The following PIWIL2 variants were observed in gnomAD, a reference collection of about 807,000 sequenced individuals.
The protein encoded by PIWIL2 is piwi-like protein 2.
PIWIL2 carries 81 observed loss-of-function variants against 116.5 expected under a neutral mutation model. The ratio of observed to expected loss-of-function variants is 0.70; its 90% CI spans 0.58 to 0.84. PIWIL2 has a LOEUF of 0.84. Among genes scored for constraint, PIWIL2 ranks in the 40% least tolerant of loss-of-function variants. PIWIL2 has a pLI of 0.00. For missense variants in PIWIL2, 1,272 were observed against 1,212.3 expected (o/e 1.05, Z -0.73); for synonymous variants, 489 against 429.5 (o/e 1.14, Z -1.71).
chr8:22,307,818 A>C, intron 13 of PIWIL2, 115 bp from the exon 14 acceptor site: 1 of 743,760 alleles, frequency 1.3e-6, no homozygotes, highest in East Asian at 2.7e-5. Flanking sequence ...AAGATGTTTG[A>C]AAATTTCTGC....
chr8:22,315,581 C>T (rs1831439566), intron 18 of PIWIL2, among the ~76,000 whole-genome samples: 1 of 152,136 alleles, frequency 6.6e-6, no homozygotes, highest in Non-Finnish European at 1.5e-5. Flanking sequence ...TTCCAAAATG[C>T]TGGGATTACA....
chr8:22,343,875 C>CA (rs1168042182), intron 20 of PIWIL2, among the ~76,000 whole-genome samples: 1 of 152,200 alleles, frequency 6.6e-6, no homozygotes, highest in African/African-American at 2.4e-5. Flanking sequence ...TACCAACAAT[C>CA]ACGCTCCTTG....
chr8:22,350,886 G>A (rs10107511), intron 20 of PIWIL2, among the ~76,000 whole-genome samples: 135,842 of 152,138 alleles, frequency 0.89, 60,842 homozygotes, highest in African/African-American at 0.96. Context: ...AACGCTTGTA[G>A]TCCCAGTACT....
At chr8:22,291,927 G>C (rs148711957) in intron 10 of PIWIL2, among the ~76,000 whole-genome samples, 3 of 152,142 alleles carry the variant, frequency 2.0e-5, no homozygotes, top group Non-Finnish European at 4.4e-5. Flanking sequence ...AAGAGCACAC[G>C]GTCAGGGCAA....
At position 22,311,243 on chromosome 8, in the gene PIWIL2, A is replaced by G; in HGVS notation, c.1932A>G (p.Leu644=). The G allele has an allele frequency of 6.2e-7, 1 of 1,614,158 alleles. No homozygotes were observed. Among genetic ancestry groups the G allele is most frequent in the Non-Finnish European group, 8.5e-7 (1 of 1,180,002 alleles). ...MRMSPPAWVE[L]KDDRIETYVR... is the part of the protein sequence containing the mutation. ...TGAGCCCACCGGCCTGGGTTGAACT[A>G]AAGGATGACCGAATAGAGACTTATG... is the stretch of plus-strand genomic sequence containing the variant. Residue 644 remains leucine (L), a synonymous_variant, in exon 16 of 23, where the codon CTA becomes CTG. Coordinates refer to ENST00000356766, the MANE Select transcript of PIWIL2 (RefSeq NM_018068.5).
intron 20 of PIWIL2, among the ~76,000 whole-genome samples, chr8:22,325,155 G>T (rs1041183281): frequency 6.6e-6 from 1 of 152,166 alleles, no homozygotes; most frequent in Non-Finnish European, 1.5e-5. Flanking sequence ...AAGTATAGTT[G>T]TACCACATCC....
At chr8:22,326,951 A>G (rs561277831) in intron 20 of PIWIL2, among the ~76,000 whole-genome samples, 67 of 151,524 alleles carry the variant, frequency 4.4e-4, no homozygotes, top group Middle Eastern at 3.4e-3. Context: ...ATCATTTTAC[A>G]TTCCTACCAG....
At chr8:22,343,598 A>C (rs988162309) in intron 20 of PIWIL2, among the ~76,000 whole-genome samples, 4 of 152,238 alleles carry the variant, frequency 2.6e-5, no homozygotes, top group African/African-American at 9.6e-5. Context: ...ACTCCGTCTC[A>C]AAAATAGGTA....
At chr8:22,291,275 C>T (rs1220300977) in intron 10 of PIWIL2, among the ~76,000 whole-genome samples, 2 of 151,836 alleles carry the variant, frequency 1.3e-5, no homozygotes, top group African/African-American at 2.4e-5. Context: ...TTCAGCCTCC[C>T]GAGTAGCCAG....
Position 22,279,514 on chromosome 8 carries a change from C to T in PIWIL2, c.128C>T (p.Ala43Val), listed in dbSNP as rs548999179. 8 of 1,614,160 alleles carry T rather than the reference C, an allele frequency of 5.0e-6. No individual in the cohort carries two copies. Among genetic ancestry groups the T allele is most frequent in the Non-Finnish European group, 6.8e-6 (8 of 1,180,018 alleles). ...TTGGACCCAGCTCTGGGCAGGGGAG[C>T]ACCTGCAGGCAGAGGCCATGTATTT... ...KPLDPALGRG[A>V]PAGRGHVFGK... The change falls in exon 2 of 23, where the codon GCA becomes GTA. Residue 43 changes from alanine (A) to valine (V), a missense_variant. Ala to Val is a moderately conservative substitution (Grantham distance 64). Transcript: ENST00000356766.
At chr8:22,350,894 A>G (rs1219836567) in intron 20 of PIWIL2, among the ~76,000 whole-genome samples, 1 of 152,122 alleles carries the variant, frequency 6.6e-6, no homozygotes, top group Non-Finnish European at 1.5e-5. Flanking sequence ...TAGTCCCAGT[A>G]CTTTGGGAGG....
At position 22,288,542 on chromosome 8, in the gene PIWIL2, G is replaced by C; in HGVS notation, c.862G>C (p.Val288Leu). The change falls in exon 8 of 23, where the codon GTT becomes CTT. Residue 288 changes from valine (V) to leucine (L), a missense_variant and splice_region_variant. Physicochemically the swap from Val to Leu is conservative, Grantham distance 32. Transcript: ENST00000356766. Reference protein sequence around the residue: ...ILYLPVKLQQVLELKSQRKTD... With the variant: ...ILYLPVKLQQLLELKSQRKTD... Reference sequence around the variant, plus strand: ...TCACCTGTGTGTATTTATTTGTTAGGTTCTTGAGTTAAAAAGTCAAAGGAA... The same window carrying C: ...TCACCTGTGTGTATTTATTTGTTAGCTTCTTGAGTTAAAAAGTCAAAGGAA... 2 of 1,611,504 alleles carry C rather than the reference G, an allele frequency of 1.2e-6. No homozygotes were observed. Among genetic ancestry groups the C allele is most frequent in the Admixed American group, 3.3e-5 (2 of 59,772 alleles).
intron 20 of PIWIL2, among the ~76,000 whole-genome samples, chr8:22,321,251 C>T (rs754371425): frequency 6.6e-6 from 1 of 151,814 alleles, no homozygotes; most frequent in Non-Finnish European, 1.5e-5. Context: ...GCAGGGACTA[C>T]AGGCATATGC....
chr8:22,356,820 T>G lies in PIWIL2; in HGVS notation c.*1315T>G, dbSNP rs1370758788. On this transcript the variant is annotated 3_prime_UTR_variant, in exon 23 of 23. Transcript: ENST00000356766. ...TTAGAAAGTTATCACATACCATGGG[T>G]TTCAGTGTTTTTGGAAACCCGTTTT... 3.9e-5 allele frequency: 6 copies of G among 152,150 alleles called. No individual in the cohort carries two copies. The highest frequency in any genetic ancestry group is 8.8e-5 in the Non-Finnish European group (6 of 68,030). 9.4% of individuals were successfully genotyped at this position (152,150 alleles called of 1,614,324 possible).
At chr8:22,309,456 G>T (rs1291373380) in intron 14 of PIWIL2, among the ~76,000 whole-genome samples, 1 of 151,902 alleles carries the variant, frequency 6.6e-6, no homozygotes, top group Non-Finnish European at 1.5e-5. Flanking sequence ...TCCTGCCTCT[G>T]CCTCCCAAGT....
intron 20 of PIWIL2, among the ~76,000 whole-genome samples, chr8:22,349,035 T>G (rs116138841): frequency 1.3e-4 from 19 of 148,334 alleles, no homozygotes; most frequent in African/African-American, 4.1e-4. Context: ...AAATTTGATT[T>G]CTATTTTTCT....
chr8:22,309,901 G>A (rs1466118564), intron 14 of PIWIL2, 60 bp from the exon 15 acceptor site: 2 of 964,358 alleles, frequency 2.1e-6, no homozygotes, highest in Non-Finnish European at 3.4e-6. Flanking sequence ...AGCAGTAGCA[G>A]TGTTTTTCTA....
In PIWIL2 at chr8:22,311,238, G is replaced by A. The variant is rs151093485; in HGVS notation, c.1927G>A (p.Glu643Lys). The A allele has an allele frequency of 1.2e-4, 198 of 1,613,996 alleles. 1 individual carries two copies. Among genetic ancestry groups the A allele is most frequent in the Non-Finnish European group, 1.6e-4 (188 of 1,180,004 alleles). ...GMRMSPPAWV[E>K]LKDDRIETYV... ...GCGTATGAGCCCACCGGCCTGGGTT[G>A]AACTAAAGGATGACCGAATAGAGAC... Residue 643 changes from glutamate to lysine, a missense_variant, in exon 16 of 23, where the codon GAA becomes AAA. Physicochemically the swap from Glu to Lys is moderately conservative, Grantham distance 56. Transcript: ENST00000356766.
At chr8:22,296,633 A>C (rs765998108) in intron 10 of PIWIL2, among the ~76,000 whole-genome samples, 14 of 152,224 alleles carry the variant, frequency 9.2e-5, no homozygotes, top group Non-Finnish European at 1.6e-4. Context: ...TTTTAGATTT[A>C]CTGTTGAAAG....
Sources: allele counts gnomAD v4.1 joint callset (sites outside exome capture counted in the v4.1 genomes callset), GRCh38; gene constraint gnomAD v4.1.1; transcripts MANE v1.5; gene names NCBI Gene and HGNC (gene_info 2026-07-23, HGNC 2026-07-21).